The following MGAT4C variants were observed in gnomAD, a reference collection of about 807,000 sequenced individuals.
The protein encoded by MGAT4C is alpha-1,3-mannosyl-glycoprotein 4-beta-N-acetylglucosaminyltransferase C.
A neutral mutation model predicts 40.1 loss-of-function variants in MGAT4C; 19 were observed. The observed-to-expected ratio is 0.47, with a 90% CI of 0.33 to 0.70. MGAT4C has a LOEUF of 0.70. Ranked by LOEUF, MGAT4C falls within the 30% of genes least tolerant of loss-of-function variation. The pLI is 0.02. For synonymous variants in MGAT4C, 181 were observed against 187.1 expected (o/e 0.97, Z 0.27); for missense variants, 491 against 563.2 (o/e 0.87, Z 1.30).
At chr12:86,705,755 G>A (rs1950445474) in intron 2 of MGAT4C, among the ~76,000 whole-genome samples, 1 of 152,158 alleles carries the variant, frequency 6.6e-6, no homozygotes, top group Non-Finnish European at 1.5e-5. Flanking sequence ...AATATAAGAG[G>A]AGATACAATG....
chr12:86,226,645 G>C (rs576183814), intron 1 of MGAT4C, among the ~76,000 whole-genome samples: 6 of 151,946 alleles, frequency 3.9e-5, no homozygotes, highest in Non-Finnish European at 7.4e-5. Context: ...TACATTCATA[G>C]TCAGCTATAT....
chr12:86,642,342 T>C (rs1273368138), intron 2 of MGAT4C, among the ~76,000 whole-genome samples: 4 of 151,832 alleles, frequency 2.6e-5, no homozygotes, highest in Non-Finnish European at 2.9e-5. Context: ...TCTTTTCCAT[T>C]GGCAACACTT....
chr12:86,773,319 G>A (rs1279407053), intron 1 of MGAT4C, among the ~76,000 whole-genome samples: 3 of 152,028 alleles, frequency 2.0e-5, no homozygotes, highest in Non-Finnish European at 4.4e-5. Context: ...GAAAACACAG[G>A]GAGAAGATAG....
chr12:86,794,256 A>T (rs1338389859), intron 1 of MGAT4C, among the ~76,000 whole-genome samples: 1 of 151,786 alleles, frequency 6.6e-6, no homozygotes, highest in African/African-American at 2.4e-5. Flanking sequence ...ACATTTTATT[A>T]AAAATGGATG....
At chr12:86,252,889 T>C (rs143995997) in intron 1 of MGAT4C, among the ~76,000 whole-genome samples, 1,943 of 152,026 alleles carry the variant, frequency 0.013, 95 homozygotes, top group Admixed American at 0.021. Context: ...CCAAAAATGA[T>C]TGATACTGTT....
chr12:86,638,664 G>A (rs2136516541), intron 2 of MGAT4C, among the ~76,000 whole-genome samples: 1 of 151,872 alleles, frequency 6.6e-6, no homozygotes, highest in African/African-American at 2.4e-5. Flanking sequence ...ACTTGTGCCA[G>A]GTAACAGCTC....
chr12:86,748,783 C>T (rs1224425268), intron 1 of MGAT4C, among the ~76,000 whole-genome samples: 1 of 151,018 alleles, frequency 6.6e-6, no homozygotes, highest in Non-Finnish European at 1.5e-5. Context: ...AAAGCCATAT[C>T]TTAAGAAAAT....
chr12:86,339,575 T>TA (rs1380640108), intron 3 of MGAT4C, among the ~76,000 whole-genome samples: 1 of 152,172 alleles, frequency 6.6e-6, no homozygotes, highest in Non-Finnish European at 1.5e-5. Flanking sequence ...TAAACATATA[T>TA]AAAAATATGT....
chr12:86,097,395 T>C (rs1169755642), intron 1 of MGAT4C, among the ~76,000 whole-genome samples: 1 of 151,714 alleles, frequency 6.6e-6, no homozygotes. Context: ...GAAATTGGCA[T>C]CCTTGCTATA....
chr12:86,387,416 T>C (rs943619232), intron 3 of MGAT4C, among the ~76,000 whole-genome samples: 6 of 152,146 alleles, frequency 3.9e-5, no homozygotes, highest in African/African-American at 1.4e-4. Flanking sequence ...AGTGTTATTA[T>C]TATCAATCTA....
chr12:86,415,719 A>C (rs1053780461), intron 3 of MGAT4C, among the ~76,000 whole-genome samples: 1 of 152,088 alleles, frequency 6.6e-6, no homozygotes. Context: ...ATCAAGGAGA[A>C]TTCAGAGAGG....
chr12:86,429,690 C>T (rs1956996124), intron 3 of MGAT4C, among the ~76,000 whole-genome samples: 1 of 152,046 alleles, frequency 6.6e-6, no homozygotes, highest in South Asian at 2.1e-4. Context: ...TTTCTTATCA[C>T]TTGTCCTCAG....
At position 85,965,354 on chromosome 12, in the gene MGAT4C, T is replaced by C. The variant is rs1883303656; in HGVS notation, c.*13935A>G. The C allele has an allele frequency of 6.6e-6, 1 of 151,916 alleles. No individual in the cohort carries two copies. Among genetic ancestry groups the C allele is most frequent in the Non-Finnish European group, 1.5e-5 (1 of 68,034 alleles). The allele number at this position is 151,916 out of a possible 1,614,324, so 9.4% of individuals were successfully genotyped here. On this transcript the variant is annotated 3_prime_UTR_variant, in exon 5 of 5. Transcript: ENST00000611864. The stretch of plus-strand genomic sequence containing the variant: ...GGCTCACGCATGTAATCCCAGCACT[T>C]TGTGAGGCCGAGGCGGGAGGATCAC...
At chr12:86,021,522 G>A (rs1889728328) in intron 2 of MGAT4C, among the ~76,000 whole-genome samples, 1 of 148,054 alleles carries the variant, frequency 6.8e-6, no homozygotes, top group South Asian at 2.1e-4. Flanking sequence ...CTTACTCATA[G>A]GTGGGAATTG....
At chr12:86,489,654 C>G (rs987138610) in intron 2 of MGAT4C, among the ~76,000 whole-genome samples, 2 of 152,208 alleles carry the variant, frequency 1.3e-5, no homozygotes, top group Non-Finnish European at 1.5e-5. Context: ...ACTGAAGCTG[C>G]TGGCCAGTTG....
At chr12:86,812,584 C>G (rs1015744637) in intron 1 of MGAT4C, among the ~76,000 whole-genome samples, 2 of 152,014 alleles carry the variant, frequency 1.3e-5, no homozygotes, top group Admixed American at 6.6e-5. Flanking sequence ...GATTTTATGT[C>G]TACTTTATTA....
At chr12:86,513,658 G>A (rs1284753277) in intron 2 of MGAT4C, among the ~76,000 whole-genome samples, 1 of 152,056 alleles carries the variant, frequency 6.6e-6, no homozygotes, top group Non-Finnish European at 1.5e-5. Context: ...GGTATCAATG[G>A]GAATGGTAGA....
At chr12:86,184,886 T>C (rs1344503751) in intron 1 of MGAT4C, among the ~76,000 whole-genome samples, 1 of 152,134 alleles carries the variant, frequency 6.6e-6, no homozygotes, top group Non-Finnish European at 1.5e-5. Flanking sequence ...ATGGGCCAGT[T>C]TTCAGAAAAA....
intron 1 of MGAT4C, among the ~76,000 whole-genome samples, chr12:86,155,749 G>A (rs1884856042): frequency 1.3e-5 from 2 of 151,980 alleles, no homozygotes; most frequent in Admixed American, 6.6e-5. Context: ...CTAAACTTAT[G>A]TGTGTATGTA....
Sources: gnomAD v4.1 joint callset for allele counts (sites outside exome capture counted in the v4.1 genomes callset) on GRCh38, gnomAD v4.1.1 for gene constraint, MANE v1.5 for transcripts, NCBI Gene and HGNC (gene_info 2026-07-23, HGNC 2026-07-21) for gene names.